FLVCR2: variants seen among roughly 807,000 people sequenced by gnomAD.
FLVCR2 encodes FLVCR choline and putative heme transporter 2, also known as choline/ethanolamine transporter FLVCR2.
In FLVCR2, 38 loss-of-function variants were observed where a neutral mutation model predicts 48.9. The ratio of observed to expected loss-of-function variants is 0.78; its 90% CI spans 0.60 to 1.02. FLVCR2 has a LOEUF of 1.02. FLVCR2 is among the 50% of genes least tolerant of loss of function. The probability of loss-of-function intolerance (pLI) is 0.00; values close to 1 mark genes in which losing one functional copy is unlikely to be tolerated. For synonymous variants in FLVCR2, 255 were observed against 257.0 expected, an observed-to-expected ratio of 0.99 and a Z score of 0.07; for missense variants, 664 against 663.3, an observed-to-expected ratio of 1.00 and a Z score of -0.01.
chr14:75,646,294 C>A, intron 9 of FLVCR2, 107 bp from the exon 10 acceptor site: 1 of 770,988 alleles, frequency 1.3e-6, no homozygotes, highest in East Asian at 2.6e-5. Context: ...TGAGTGGCCC[C>A]CGGCTCTTGT....
intron 9 of FLVCR2, among the ~76,000 whole-genome samples, chr14:75,645,033 G>GGGGTGTGTGT (rs1433999747): frequency 5.2e-3 from 68 of 13,076 alleles, no homozygotes; most frequent in African/African-American, 8.4e-3. Flanking sequence ...AGGCGGGCGT[G>GGGGTGTGTGT]GTGTGTGTGT....
chr14:75,583,906 C>A (rs896007333), intron 1 of FLVCR2, among the ~76,000 whole-genome samples: 3 of 152,172 alleles, frequency 2.0e-5, no homozygotes, highest in African/African-American at 7.2e-5. Context: ...TGTGACGGTC[C>A]AGGGGGCTTC....
In FLVCR2 at chr14:75,633,702, G is replaced by A. The variant is rs778610642; in HGVS notation, c.1020+6G>A. 2.5e-6 allele frequency: 4 copies of A among 1,610,364 alleles called. No individual in the cohort carries two copies. The highest frequency in any genetic ancestry group is 2.5e-6 in the Non-Finnish European group (3 of 1,176,560). ...TGGTGATCTGGCACTACCCGGTAAG[G>A]GAGTTCCCTAAGCATGTTGGGCCTC... On this transcript the variant is annotated splice_donor_region_variant and intron_variant, in intron 4 of 9. Coordinates refer to ENST00000238667, the MANE Select transcript of FLVCR2 (RefSeq NM_017791.3).
At chr14:75,579,946 G>A (rs1323512980) in intron 1 of FLVCR2, among the ~76,000 whole-genome samples, 4 of 152,210 alleles carry the variant, frequency 2.6e-5, no homozygotes, top group African/African-American at 7.2e-5. Context: ...GTAATTTCAG[G>A]AATGCTCTTC....
At chr14:75,605,600 T>C in intron 1 of FLVCR2, 1 of 1,536,052 alleles carries the variant, frequency 6.5e-7, no homozygotes, top group Non-Finnish European at 8.7e-7. Context: ...GCACCATCTG[T>C]GTTTGTAGAA....
chr14:75,587,316 A>G (rs1423291301), intron 1 of FLVCR2, among the ~76,000 whole-genome samples: 2 of 152,144 alleles, frequency 1.3e-5, no homozygotes, highest in Non-Finnish European at 2.9e-5. Context: ...TGCATCAAGC[A>G]TACATGTAAA....
Position 75,579,416 on chromosome 14 carries a change from C to G in FLVCR2, c.444C>G (p.Phe148Leu). ...LLPVAWLLEKFGLRTIALTGS... is the reference protein window; with the variant it reads ...LLPVAWLLEKLGLRTIALTGS... The stretch of plus-strand genomic sequence containing the variant: ...CAGTGGCTTGGCTGCTGGAGAAGTT[C>G]GGCCTGCGCACCATTGCTCTCACTG... The change falls in exon 1 of 10, where the codon TTC becomes TTG. Residue 148 changes from phenylalanine (F) to leucine (L), a missense_variant. Phe to Leu is a conservative substitution (Grantham distance 22). Coordinates refer to ENST00000238667, the MANE Select transcript of FLVCR2 (RefSeq NM_017791.3). 1 of 1,614,084 alleles carries G rather than the reference C, an allele frequency of 6.2e-7. No individual in the cohort carries two copies.
chr14:75,639,154 C>T (rs188722581), intron 5 of FLVCR2, among the ~76,000 whole-genome samples, 198 bp from the exon 6 acceptor site: 20 of 152,224 alleles, frequency 1.3e-4, no homozygotes, highest in Non-Finnish European at 2.5e-4. Context: ...GAGGTTTCAG[C>T]GAGCTGTGAT....
chr14:75,610,477 T>C (rs1389734947), intron 1 of FLVCR2, among the ~76,000 whole-genome samples: 3 of 151,990 alleles, frequency 2.0e-5, no homozygotes, highest in Non-Finnish European at 2.9e-5. Context: ...ATCAGAAAAC[T>C]TTCCTTGTGA....
intron 3 of FLVCR2, among the ~76,000 whole-genome samples, chr14:75,631,442 C>T (rs1433786247): frequency 6.6e-6 from 1 of 152,228 alleles, no homozygotes; most frequent in African/African-American, 2.4e-5. Flanking sequence ...AAAAACCACT[C>T]AGCTTCAGCA....
At chr14:75,629,767 C>A (rs1889994395) in intron 3 of FLVCR2, among the ~76,000 whole-genome samples, 1 of 152,246 alleles carries the variant, frequency 6.6e-6, no homozygotes, top group Non-Finnish European at 1.5e-5. Flanking sequence ...AAAGGGCGTA[C>A]TTTTCCCATA....
At chr14:75,591,280 T>G (rs1888871724) in intron 1 of FLVCR2, among the ~76,000 whole-genome samples, 1 of 152,254 alleles carries the variant, frequency 6.6e-6, no homozygotes, top group Non-Finnish European at 1.5e-5. Context: ...TGCACTCTAG[T>G]GATCCTACCA....
chr14:75,648,074 T>C lies in FLVCR2; in HGVS notation c.*1602T>C, dbSNP rs1272613453. The C allele has an allele frequency of 2.6e-5, 4 of 152,698 alleles. No homozygotes were observed. The highest frequency in any genetic ancestry group is 9.6e-5 in the African/African-American group (4 of 41,472). 9.5% of individuals were successfully genotyped at this position (152,698 alleles called of 1,614,324 possible). A position where few individuals can be genotyped will look rare whatever the true frequency, so the allele number is the denominator to read the frequency against. On this transcript the variant is annotated 3_prime_UTR_variant, in exon 10 of 10. Transcript: ENST00000238667. ...AACCCTTCAAAAGGTATTAACAAAATGTTTACCAAACCTATTGCTTTATTT... is the reference window on the plus strand; with the variant it reads ...AACCCTTCAAAAGGTATTAACAAAACGTTTACCAAACCTATTGCTTTATTT...
chr14:75,594,684 T>C (rs997138550), intron 1 of FLVCR2, among the ~76,000 whole-genome samples: 3 of 151,426 alleles, frequency 2.0e-5, no homozygotes, highest in Non-Finnish European at 4.4e-5. Flanking sequence ...CCCACCCTCA[T>C]AATAATGAGT....
rs1890388573 is a variant in FLVCR2 at position 75,645,036 on chromosome 14, GTGTGTGTGTGTGTGTGTGTGTGT to G, written c.1510-1364_1510-1342del. 4.1e-5 allele frequency among the ~76,000 whole-genome samples: 6 copies of G among 146,712 alleles called. No individual in the cohort carries two copies. The South Asian group carries it at 8.7e-4, about 21-fold the overall frequency. On this transcript the variant is annotated intron_variant, in intron 9 of 9. Coordinates refer to ENST00000238667, the MANE Select transcript of FLVCR2 (RefSeq NM_017791.3). ...TGGCTTTGGAGGAGGCGGGCGTGGT[GTGTGTGTGTGTGTGTGTGTGTGT>G]GTGTGTGTGTGTGTGTGTCAGAGAG...
At chr14:75,635,420 TG>T (rs1396144486) in intron 5 of FLVCR2, among the ~76,000 whole-genome samples, 1 of 152,220 alleles carries the variant, frequency 6.6e-6, no homozygotes, top group Non-Finnish European at 1.5e-5. Flanking sequence ...TGGCACCTTG[TG>T]GACCCCATGG....
chr14:75,616,694 G>T (rs1232519529), intron 1 of FLVCR2, among the ~76,000 whole-genome samples: 1 of 152,156 alleles, frequency 6.6e-6, no homozygotes, highest in Non-Finnish European at 1.5e-5. Flanking sequence ...GGGTGGGCTT[G>T]CCTTTGTCTG....
At chr14:75,579,667 C>T in intron 1 of FLVCR2, 26 bp downstream of exon 1, 2 of 1,612,104 alleles carry the variant, frequency 1.2e-6, no homozygotes, top group Non-Finnish European at 8.5e-7. Context: ...TGTGAATGTT[C>T]CCAGGGGCGT....
intron 3 of FLVCR2, chr14:75,633,054 G>A: frequency 2.9e-6 from 2 of 680,252 alleles, no homozygotes; most frequent in South Asian, 3.2e-5. Flanking sequence ...GTGCTCCTTT[G>A]GTGAATGAAT....
Sources: allele counts gnomAD v4.1 joint callset (sites outside exome capture counted in the v4.1 genomes callset), GRCh38; gene constraint gnomAD v4.1.1; transcripts MANE v1.5; gene names NCBI Gene and HGNC (gene_info 2026-07-23, HGNC 2026-07-21).